LPCAT4: variants seen among roughly 807,000 people sequenced by gnomAD.
LPCAT4 encodes lysophospholipid acyltransferase LPCAT4.
In LPCAT4, 30 loss-of-function variants were observed where a neutral mutation model predicts 66.5. That is an observed-to-expected ratio of 0.45 (90% CI 0.34 to 0.61). The LOEUF (loss-of-function observed/expected upper bound fraction) is 0.61. LPCAT4 is among the 20% of genes least tolerant of loss of function. The pLI is 0.01. For synonymous variants in LPCAT4, 253 were observed against 262.1 expected, an observed-to-expected ratio of 0.97 and a Z score of 0.34; for missense variants, 557 against 656.7, an observed-to-expected ratio of 0.85 and a Z score of 1.66.
intron 10 of LPCAT4, 58 bp downstream of exon 10, chr15:34,362,138 T>TTC (rs3053160): frequency 0.052 from 70,687 of 1,347,856 alleles, 6 homozygotes; most frequent in Admixed American, 0.071. Context: ...CCCCTTCTTA[T>TTC]TCTCTCTCTC....
intron 10 of LPCAT4, 28 bp from the exon 11 acceptor site, chr15:34,361,560 G>A: frequency 6.2e-7 from 1 of 1,610,946 alleles, no homozygotes; most frequent in South Asian, 1.1e-5. Flanking sequence ...AAGGCAGAGA[G>A]CTGTCTCAGT....
At chr15:34,361,379 T>C (rs750437747) in intron 11 of LPCAT4, 21 bp downstream of exon 11, 3 of 1,614,104 alleles carry the variant, frequency 1.9e-6, no homozygotes, top group Admixed American at 1.7e-5. Flanking sequence ...TCTGCTCTGC[T>C]CTTTGTTCCA....
rs868479109 is a variant in LPCAT4 at position 34,363,682 on chromosome 15, G to A, written c.690C>T (p.Leu230=). The change falls in exon 6 of 14, where the codon CTC becomes CTT. Residue 230 remains leucine (L), a synonymous_variant. Transcript: ENST00000314891. The surrounding 1 kb of genome is among the most constrained non-coding windows in gnomAD (Gnocchi z 4.3). ...FIAGVPVQPV[L]IRYPNSLDTT... The stretch of plus-strand genomic sequence containing the variant: ...TCACCAGACTGTTGGGGTAGCGGAT[G>A]AGGACAGGCTGCACAGGCACCCCTG... 1 of 1,614,136 alleles carries A rather than the reference G, an allele frequency of 6.2e-7. No homozygotes were observed. The highest frequency in any genetic ancestry group is 1.3e-5 in the African/African-American group (1 of 75,012).
rs768427018 is a variant in LPCAT4, at chr15:34,365,029, G to A, written c.457C>T (p.Leu153Phe). ...LPKVVSRAEN[L>F]SVPVIGALLR... ...TCACCTCCAATGACAGGAACGGAAA[G>A]GTTCTCAGCTCGGGACACAACTTTG... The change falls in exon 3 of 14, where the codon CTT (leucine) becomes TTT (phenylalanine). Residue 153 changes from leucine to phenylalanine, a missense_variant. Leu to Phe is a conservative substitution (Grantham distance 22). Around this residue, in one of 4 missense-constraint regions of LPCAT4, gnomAD observed 392 missense variants for 473.9 expected, o/e 0.83. Coordinates refer to ENST00000314891, the MANE Select transcript of LPCAT4 (RefSeq NM_153613.3). 1 of 1,611,704 alleles carries A rather than the reference G, an allele frequency of 6.2e-7. No individual in the cohort carries two copies. The highest frequency in any genetic ancestry group is 1.1e-5 in the South Asian group (1 of 91,050).
At chr15:34,364,410 T>G in intron 3 of LPCAT4, 104 bp from the exon 4 acceptor site, 1 of 588,810 alleles carries the variant, frequency 1.7e-6, no homozygotes, top group Non-Finnish European at 2.8e-6. Context: ...TTCTGTTATC[T>G]CTTTTTTTTT....
At chr15:34,361,316 T>A in intron 11 of LPCAT4, 84 bp downstream of exon 11, 1 of 1,577,136 alleles carries the variant, frequency 6.3e-7, no homozygotes. Context: ...CTCCAAACTG[T>A]GAGTGACTGA....
Position 34,360,151 on chromosome 15 carries a change from C to G in LPCAT4, c.1202G>C (p.Gly401Ala). 1.9e-6 allele frequency: 3 copies of G among 1,614,084 alleles called. No homozygotes were observed. Among genetic ancestry groups the G allele is most frequent in the Non-Finnish European group, 2.5e-6 (3 of 1,180,008 alleles). ...DVALALAALDGGRSLEELTRL... is the reference protein window; with the variant it reads ...DVALALAALDAGRSLEELTRL... The stretch of plus-strand genomic sequence containing the variant: ...AGTTAGCTCTTCCAGGCTCCTGCCC[C>G]CATCCAGAGCTGCTAGTGCAAGGGC... The change falls in exon 12 of 14, where the codon GGG (glycine) becomes GCG (alanine). Residue 401 changes from glycine (G) to alanine (A), a missense_variant. Coordinates refer to ENST00000314891, the MANE Select transcript of LPCAT4 (RefSeq NM_153613.3).
chr15:34,359,227 G>GT lies in LPCAT4; in HGVS notation c.1474dup (p.Thr492AsnfsTer74), dbSNP rs1165734713. ...TGGTGTCTGGGAGGTGCCTCGAGAG[G>GT]TGTGTGGGGGGCGCAGGTAGGTGCT... is the stretch of plus-strand genomic sequence containing the variant. On this transcript the variant is annotated frameshift_variant, in exon 14 of 14. Coordinates refer to ENST00000314891, the MANE Select transcript of LPCAT4 (RefSeq NM_153613.3). LOFTEE classifies it high-confidence loss of function. 6.3e-7 allele frequency: 1 copy of GT among 1,584,970 alleles called. No homozygotes were observed. The highest frequency in any genetic ancestry group is 8.6e-7 in the Non-Finnish European group (1 of 1,165,004).
chr15:34,365,033 C>G lies in LPCAT4; in HGVS notation c.453G>C (p.Glu151Asp). ...CDLPKVVSRA[E>D]NLSVPVIGAL... ...CTCCAATGACAGGAACGGAAAGGTT[C>G]TCAGCTCGGGACACAACTTTGGGCA... The change falls in exon 3 of 14, where the codon GAG (glutamate) becomes GAC (aspartate). Residue 151 changes from glutamate (E) to aspartate (D), a missense_variant. Around this residue, in one of 4 missense-constraint regions of LPCAT4, gnomAD observed 392 missense variants for 473.9 expected, o/e 0.83. Transcript: ENST00000314891. 1 of 1,612,474 alleles carries G rather than the reference C, an allele frequency of 6.2e-7. No homozygotes were observed. Among genetic ancestry groups the G allele is most frequent in the Middle Eastern group, 1.7e-4 (1 of 6,052 alleles).
chr15:34,365,409 G>A, intron 2 of LPCAT4, 150 bp downstream of exon 2: 1 of 1,241,546 alleles, frequency 8.1e-7, no homozygotes, highest in Non-Finnish European at 1.1e-6. Context: ...GTGAGGTCTG[G>A]GAACCACGTC....
intron 2 of LPCAT4, 155 bp from the exon 3 acceptor site, chr15:34,365,383 G>C: frequency 8.6e-7 from 1 of 1,160,962 alleles, no homozygotes. Context: ...GACCTATCAG[G>C]GCACATTACT....
Position 34,359,220 on chromosome 15 carries a change from T to A in LPCAT4, c.1482A>T (p.Arg494=), listed in dbSNP as rs1013442627. ...AGGCATTTGGTGTCTGGGAGGTGCC[T>A]CGAGAGGTGTGTGGGGGGCGCAGGT... ...STYLRPPHTS[R]GTSQTPNASS... is the part of the protein sequence containing the mutation. Residue 494 remains arginine, a synonymous_variant, in exon 14 of 14, where the codon CGA becomes CGT. Transcript: ENST00000314891. The A allele has an allele frequency of 8.2e-6, 13 of 1,589,754 alleles. No homozygotes were observed. Among genetic ancestry groups the A allele is most frequent in the Non-Finnish European group, 1.1e-5 (13 of 1,167,848 alleles).
Position 34,367,092 on chromosome 15 carries a change from C to CTGGCTCA in LPCAT4, c.2_8dup (p.Gln3HisfsTer28). On this transcript the variant is annotated frameshift_variant, in exon 1 of 14. Coordinates refer to ENST00000314891, the MANE Select transcript of LPCAT4 (RefSeq NM_153613.3). LOFTEE classifies it high-confidence loss of function. ...GGGGGGCCCAGTCCCCCGGACTTCC[C>CTGGCTCA]TGGCTCATGGCGGGAGAAGGTGGGA... The CTGGCTCA allele has an allele frequency of 6.5e-7, 1 of 1,548,476 alleles. No individual in the cohort carries two copies. The highest frequency in any genetic ancestry group is 8.7e-7 in the Non-Finnish European group (1 of 1,146,052).
chr15:34,359,847 G>A lies in LPCAT4; in HGVS notation c.1243-102C>T, dbSNP rs1274525916. Reference sequence around the variant, plus strand: ...AGGCTCCTCCTCTTCCAAAAGGGTGGTGCACAAGCCTTCCCTGACCCTCCA... The same window carrying A: ...AGGCTCCTCCTCTTCCAAAAGGGTGATGCACAAGCCTTCCCTGACCCTCCA... On this transcript the variant is annotated intron_variant, in intron 12 of 13. Coordinates refer to ENST00000314891, the MANE Select transcript of LPCAT4 (RefSeq NM_153613.3). The A allele has an allele frequency of 4.7e-6, 6 of 1,285,644 alleles. No homozygotes were observed. In the East Asian group the frequency reaches 7.6e-5, roughly 16 times the overall value. The allele number at this position is 1,285,644 out of a possible 1,614,324, so 79.6% of individuals were successfully genotyped here. A position where few individuals can be genotyped will look rare whatever the true frequency, so the allele number is the denominator to read the frequency against.
chr15:34,359,682 T>A lies in LPCAT4; in HGVS notation c.1306A>T (p.Ile436Phe), dbSNP rs377518741. ...RLLYKDGFST[I>F]LHLLLGSPHP... Reference sequence around the variant, plus strand: ...GGTGAACCCAGCAGCAGGTGCAGGATGGTGCTGAAGCCGTCTTTGTACAGC... The same window carrying A: ...GGTGAACCCAGCAGCAGGTGCAGGAAGGTGCTGAAGCCGTCTTTGTACAGC... Residue 436 changes from isoleucine to phenylalanine, a missense_variant, in exon 13 of 14, where the codon ATC becomes TTC. Ile to Phe is a conservative substitution (Grantham distance 21, BLOSUM62 0). Around this residue, in one of 4 missense-constraint regions of LPCAT4, gnomAD observed 392 missense variants for 473.9 expected, o/e 0.83. Transcript: ENST00000314891. The A allele has an allele frequency of 6.2e-7, 1 of 1,613,790 alleles. No homozygotes were observed. Among genetic ancestry groups the A allele is most frequent in the South Asian group, 1.1e-5 (1 of 91,024 alleles).
chr15:34,364,672 T>G, intron 3 of LPCAT4: 1 of 282,054 alleles, frequency 3.5e-6, no homozygotes, highest in South Asian at 6.2e-5. Context: ...CAGGCTGGTC[T>G]CGAACTCCCG....
In LPCAT4 at chr15:34,359,154, C is replaced by A; in HGVS notation, c.1548G>T (p.Val516=). 6.2e-7 allele frequency: 1 copy of A among 1,606,656 alleles called. No individual in the cohort carries two copies. Among genetic ancestry groups the A allele is most frequent in the South Asian group, 1.1e-5 (1 of 89,286 alleles). The stretch of plus-strand genomic sequence containing the variant: ...AGTCTCCCTTCTGCTTGGGTGCTTG[C>A]ACAGTCCCATTGGCCAGAGCAGTGG... ...GNPTALANGT[V]QAPKQKGD Residue 516 remains valine, a synonymous_variant, in exon 14 of 14, where the codon GTG becomes GTT. Transcript: ENST00000314891.
chr15:34,362,471 G>T, intron 9 of LPCAT4, 102 bp downstream of exon 9: 1 of 1,399,184 alleles, frequency 7.1e-7, no homozygotes, highest in Non-Finnish European at 9.8e-7. Flanking sequence ...CCTTCCCACT[G>T]CCTGCTCCTC....
chr15:34,361,741 C>A (rs893000262), intron 10 of LPCAT4, among the ~76,000 whole-genome samples: 10 of 152,092 alleles, frequency 6.6e-5, no homozygotes, highest in Non-Finnish European at 1.5e-4. Flanking sequence ...GCTCTGTCAC[C>A]CAGGCTGGAG....
Sources: allele counts gnomAD v4.1 joint callset (sites outside exome capture counted in the v4.1 genomes callset), GRCh38; gene constraint gnomAD v4.1.1; regional missense constraint gnomAD v4.1.1; non-coding constraint Gnocchi (gnomAD v3.1); transcripts MANE v1.5; gene names NCBI Gene and HGNC (gene_info 2026-07-23, HGNC 2026-07-21).